The following DMRT2 variants were observed in gnomAD, a reference collection of about 807,000 sequenced individuals.
DMRT2 encodes doublesex- and mab-3-related transcription factor 2.
In DMRT2, 33 loss-of-function variants were observed where a neutral mutation model predicts 43.5. The observed-to-expected ratio is 0.76, with a 90% confidence interval of 0.58 to 1.01. DMRT2 has a LOEUF of 1.01. Among genes scored for constraint, DMRT2 ranks in the 50% least tolerant of loss-of-function variants. The pLI is 0.00. For synonymous variants in DMRT2, 395 were observed against 309.2 expected (o/e 1.28, Z -2.91); for missense variants, 1,064 against 748.0 (o/e 1.42, Z -4.93).
intron 2 of DMRT2, among the ~76,000 whole-genome samples, chr9:1,052,595 C>G (rs1225595537): frequency 2.0e-5 from 3 of 151,976 alleles, no homozygotes; most frequent in African/African-American, 4.8e-5. Flanking sequence ...CAGCTGTCAC[C>G]TGGACGTTTG....
In DMRT2 at chr9:1,057,477, G is replaced by C. The variant is rs1444377504; in HGVS notation, c.*204G>C. The C allele has an allele frequency of 3.5e-6, 2 of 579,316 alleles. No homozygotes were observed. Among genetic ancestry groups the C allele is most frequent in the African/African-American group, 3.7e-5 (2 of 53,628 alleles). 35.9% of individuals were successfully genotyped at this position (579,316 alleles called of 1,614,324 possible). ...CTTACAGATGGAAATTGCCCAATGT[G>C]CAAATTGTTAAGTACCACACTTTAC... On this transcript the variant is annotated 3_prime_UTR_variant, in exon 4 of 4. Coordinates refer to ENST00000358146, the MANE Select transcript of DMRT2 (RefSeq NM_181872.6).
Position 1,056,640 on chromosome 9 carries a change from C to G in DMRT2, c.1053C>G (p.Ser351Arg), listed in dbSNP as rs113748895. Residue 351 changes from serine to arginine, a missense_variant, in exon 4 of 4, where the codon AGC becomes AGG. Transcript: ENST00000358146. The part of the protein sequence containing the change: ...FLVWPKCGPI[S>R]DTLLYQQCLL... The stretch of plus-strand genomic sequence containing the variant: ...TTTGGCCCAAGTGTGGCCCCATTAG[C>G]GACACCCTCCTCTACCAGCAATGCC... 1 of 1,614,188 alleles carries G rather than the reference C, an allele frequency of 6.2e-7. No individual in the cohort carries two copies. Among genetic ancestry groups the G allele is most frequent in the Non-Finnish European group, 8.5e-7 (1 of 1,180,034 alleles).
chr9:1,055,922 TAATC>T, intron 3 of DMRT2: 2 of 1,413,776 alleles, frequency 1.4e-6, no homozygotes, highest in Non-Finnish European at 1.8e-6. Context: ...ATTAAAATTT[TAATC>T]AATAAAGTAT....
At chr9:1,054,567 G>A (rs571851817) in intron 3 of DMRT2, 1 of 152,228 alleles carries the variant, frequency 6.6e-6, no homozygotes, top group Admixed American at 6.5e-5. Context: ...CTAGCTTTCT[G>A]TCTCCATGTT....
chr9:1,056,744 G>A lies in DMRT2; in HGVS notation c.1157G>A (p.Gly386Glu), dbSNP rs1822022457. 5 of 1,614,004 alleles carry A rather than the reference G, an allele frequency of 3.1e-6. No homozygotes were observed. The East Asian group carries it at 8.9e-5, about 29-fold the overall frequency. ...WDLKGARVQD[G>E]LSAEQDMMPS... Reference sequence around the variant, plus strand: ...TTGAAGGGAGCACGAGTCCAGGATGGACTCAGTGCAGAGCAGGACATGATG... The same window carrying A: ...TTGAAGGGAGCACGAGTCCAGGATGAACTCAGTGCAGAGCAGGACATGATG... Residue 386 changes from glycine to glutamate, a missense_variant, in exon 4 of 4, where the codon GGA becomes GAA. Gly to Glu is a moderately conservative substitution (Grantham distance 98). Coordinates refer to ENST00000358146, the MANE Select transcript of DMRT2 (RefSeq NM_181872.6).
At chr9:1,055,314 A>G (rs1237863628) in intron 3 of DMRT2, among the ~76,000 whole-genome samples, 1 of 152,116 alleles carries the variant, frequency 6.6e-6, no homozygotes, top group African/African-American at 2.4e-5. Context: ...GTGATGAAAT[A>G]CTCCAAGTAT....
In DMRT2 at chr9:1,051,116, T is replaced by A. The variant is rs573619998; in HGVS notation, c.-45+341T>A. 6.6e-6 allele frequency among the ~76,000 whole-genome samples: 1 copy of A among 152,228 alleles called. No individual in the cohort carries two copies. The highest frequency in any genetic ancestry group is 2.1e-4 in the South Asian group (1 of 4,816). The stretch of plus-strand genomic sequence containing the variant: ...CATTTGGGAAGCATAGAGTGGTACT[T>A]CAGTGAGTCTGAAGGGCCACTTGTA... On this transcript the variant is annotated intron_variant, in intron 1 of 3. Coordinates refer to ENST00000358146, the MANE Select transcript of DMRT2 (RefSeq NM_181872.6). This position sits in a 1 kb window ranked among gnomAD's most constrained non-coding sequence, Gnocchi z 5.9.
Position 1,051,527 on chromosome 9 carries a change from G to A in DMRT2, c.-44-43G>A. 7.0e-7 allele frequency: 1 copy of A among 1,424,866 alleles called. No individual in the cohort carries two copies. The highest frequency in any genetic ancestry group is 9.1e-7 in the Non-Finnish European group (1 of 1,099,358). 88.3% of individuals were successfully genotyped at this position (1,424,866 alleles called of 1,614,324 possible). ...GGCCGGAGGCTCAGGGATGGTCCCTGACGGCGGCCGGTGGGTCTTTGGATT... is the reference window on the plus strand; with the variant it reads ...GGCCGGAGGCTCAGGGATGGTCCCTAACGGCGGCCGGTGGGTCTTTGGATT... On this transcript the variant is annotated intron_variant, in intron 1 of 3. Coordinates refer to ENST00000358146, the MANE Select transcript of DMRT2 (RefSeq NM_181872.6). This position sits in a 1 kb window ranked among gnomAD's most constrained non-coding sequence, Gnocchi z 5.9.
intron 3 of DMRT2, among the ~76,000 whole-genome samples, chr9:1,054,062 G>A (rs1005356080): frequency 2.0e-5 from 3 of 152,196 alleles, no homozygotes; most frequent in African/African-American, 7.2e-5. Flanking sequence ...CGCCACCTGG[G>A]AAAATGAATC....
intron 2 of DMRT2, chr9:1,052,864 T>C (rs1563721404): frequency 6.6e-6 from 1 of 152,256 alleles, no homozygotes; most frequent in Admixed American, 6.5e-5. Flanking sequence ...GAGCGAGGCT[T>C]CACAGGGCCT....
In DMRT2 at chr9:1,051,364, A is replaced by G. The variant is rs1821560314; in HGVS notation, c.-44-206A>G. 6.6e-6 allele frequency among the ~76,000 whole-genome samples: 1 copy of G among 152,218 alleles called. No homozygotes were observed. The highest frequency in any genetic ancestry group is 2.1e-4 in the South Asian group (1 of 4,828). The stretch of plus-strand genomic sequence containing the variant: ...TACTCACAGAGCACTTAGAATTAAT[A>G]AAATAAAACCTTTGTTGGGTTGTGG... On this transcript the variant is annotated intron_variant, in intron 1 of 3. Transcript: ENST00000358146. The surrounding 1 kb of genome is among the most constrained non-coding windows in gnomAD (Gnocchi z 5.9).
At chr9:1,056,115 AT>A (rs777527976) in intron 3 of DMRT2, 100 bp from the exon 4 acceptor site, 8 of 1,511,476 alleles carry the variant, frequency 5.3e-6, no homozygotes, top group Non-Finnish European at 7.0e-6. Context: ...ACTGTAAATA[AT>A]TGTTCTGCTG....
Position 1,057,262 on chromosome 9 carries a change from G to A in DMRT2, c.1675G>A (p.Val559Ile). ...LKRPSSAITR[V>I]SQ ...GAGGCCTTCATCTGCCATCACTCGT[G>A]TCTCTCAGTGAAAGGCTGCTTAAAC... The change falls in exon 4 of 4, where the codon GTC (valine) becomes ATC (isoleucine). Residue 559 changes from valine to isoleucine, a missense_variant. Physicochemically the swap from Val to Ile is conservative, Grantham distance 29 (BLOSUM62 3). Coordinates refer to ENST00000358146, the MANE Select transcript of DMRT2 (RefSeq NM_181872.6). 1.2e-6 allele frequency: 2 copies of A among 1,608,540 alleles called. No homozygotes were observed. Among genetic ancestry groups the A allele is most frequent in the African/African-American group, 1.3e-5 (1 of 74,496 alleles).
At position 1,053,467 on chromosome 9, in the gene DMRT2, A is replaced by C. The variant is rs539414934; in HGVS notation, c.526-255A>C. On this transcript the variant is annotated intron_variant, in intron 2 of 3. Transcript: ENST00000358146. ...TGGCCATAGGTCTGCGTATATCTAGAGTGATTAGAGTCTAGAGTGACTATG... is the reference window on the plus strand; with the variant it reads ...TGGCCATAGGTCTGCGTATATCTAGCGTGATTAGAGTCTAGAGTGACTATG... 2.0e-5 allele frequency among the ~76,000 whole-genome samples: 3 copies of C among 152,238 alleles called. No homozygotes were observed. The South Asian group carries it at 6.2e-4, about 32-fold the overall frequency.
intron 3 of DMRT2, among the ~76,000 whole-genome samples, chr9:1,054,428 T>A (rs1007479810): frequency 6.6e-6 from 1 of 150,928 alleles, no homozygotes; most frequent in Non-Finnish European, 1.5e-5. Context: ...TTTTTTTGGA[T>A]TACTTGGATA....
chr9:1,056,858 C>T lies in DMRT2; in HGVS notation c.1271C>T (p.Pro424Leu), dbSNP rs748889790. 24 of 1,614,152 alleles carry T rather than the reference C, an allele frequency of 1.5e-5. No homozygotes were observed. The highest frequency in any genetic ancestry group is 1.9e-5 in the Non-Finnish European group (22 of 1,180,042). Residue 424 changes from proline (P) to leucine (L), a missense_variant, in exon 4 of 4, where the codon CCA (proline) becomes CTA (leucine). Physicochemically the swap from Pro to Leu is moderately conservative, Grantham distance 98. Coordinates refer to ENST00000358146, the MANE Select transcript of DMRT2 (RefSeq NM_181872.6). ...GACCTTCAGGGTCATCAGGCTGTCC[C>T]AGAGAGGTCCGCGTTCTCCCCACCC... is the stretch of plus-strand genomic sequence containing the variant. ...RSDLQGHQAV[P>L]ERSAFSPPRR...
chr9:1,051,828 C>T lies in DMRT2; in HGVS notation c.215C>T (p.Pro72Leu), dbSNP rs1198781169. ...EGDGEEAGAS[P>L]GMPGQPEQRG... is the part of the protein sequence containing the mutation. ...GACGGCGAGGAGGCAGGCGCGTCCC[C>T]CGGGATGCCCGGCCAGCCGGAGCAG... The change falls in exon 2 of 4, where the codon CCC becomes CTC. Residue 72 changes from proline (P) to leucine (L), a missense_variant. Pro to Leu is a moderately conservative substitution (Grantham distance 98). Transcript: ENST00000358146. The surrounding 1 kb of genome is among the most constrained non-coding windows in gnomAD (Gnocchi z 5.9). 1 of 1,446,652 alleles carries T rather than the reference C, an allele frequency of 6.9e-7. No individual in the cohort carries two copies. Among genetic ancestry groups the T allele is most frequent in the Admixed American group, 2.8e-5 (1 of 35,728 alleles). 89.6% of individuals were successfully genotyped at this position (1,446,652 alleles called of 1,614,324 possible).
chr9:1,055,888 A>C, intron 3 of DMRT2: 1 of 1,495,704 alleles, frequency 6.7e-7, no homozygotes, highest in Non-Finnish European at 8.8e-7. Context: ...TTGTCTCTTA[A>C]TGCGTAGGGG....
In DMRT2 at chr9:1,056,707, G is replaced by T. The variant is rs369891962; in HGVS notation, c.1120G>T (p.Ala374Ser). The change falls in exon 4 of 4, where the codon GCC becomes TCC. Residue 374 changes from alanine to serine, a missense_variant. Transcript: ENST00000358146. ...TTSVQALKPGASWDLKGARVQ... is the reference protein window; with the variant it reads ...TTSVQALKPGSSWDLKGARVQ... ...CTCAGTTCAAGCCCTGAAGCCTGGG[G>T]CCAGCTGGGACTTGAAGGGAGCACG... 11 of 1,614,016 alleles carry T rather than the reference G, an allele frequency of 6.8e-6. No individual in the cohort carries two copies. In the African/African-American group the frequency reaches 1.3e-4, roughly 20 times the overall value.
Sources: gnomAD v4.1 joint callset for allele counts (sites outside exome capture counted in the v4.1 genomes callset) on GRCh38, gnomAD v4.1.1 for gene constraint, Gnocchi (gnomAD v3.1) non-coding constraint, MANE v1.5 for transcripts, NCBI Gene and HGNC (gene_info 2026-07-23, HGNC 2026-07-21) for gene names.